TRPM3: variants seen among roughly 807,000 people sequenced by gnomAD.
TRPM3 encodes the protein transient receptor potential cation channel subfamily M member 3, also known as long transient receptor potential channel 3.
TRPM3 carries 77 observed loss-of-function variants against 181.2 expected under a neutral mutation model. The observed-to-expected ratio is 0.42, with a 90% CI of 0.35 to 0.51. The LOEUF (loss-of-function observed/expected upper bound fraction) is 0.51. Among genes scored for constraint, TRPM3 ranks in the 20% least tolerant of loss-of-function variants. The pLI is 0.01. For synonymous variants in TRPM3, 745 were observed against 796.4 expected (o/e 0.94, Z 1.09); for missense variants, 1,759 against 2,196.7 (o/e 0.80, Z 3.98).
chr9:71,096,250 T>C (rs1440795302), intron 1 of TRPM3, among the ~76,000 whole-genome samples: 1 of 149,246 alleles, frequency 6.7e-6, no homozygotes, highest in African/African-American at 2.5e-5. Context: ...GCATAGACTG[T>C]GAGTCCCTCT....
At chr9:71,427,823 C>T (rs2093890923) in intron 1 of TRPM3, among the ~76,000 whole-genome samples, 1 of 152,142 alleles carries the variant, frequency 6.6e-6, no homozygotes, top group Non-Finnish European at 1.5e-5. Flanking sequence ...ACTTCACTAT[C>T]TGGATGATGG....
Position 70,951,845 on chromosome 9 carries a change from C to T in TRPM3, c.178-87334G>A, listed in dbSNP as rs188616481. 5.8e-4 allele frequency among the ~76,000 whole-genome samples: 88 copies of T among 152,246 alleles called. No homozygotes were observed. In the East Asian group the frequency reaches 6.0e-3, roughly 10 times the overall value. On this transcript the variant is annotated intron_variant, in intron 1 of 25. Coordinates refer to ENST00000677713, the MANE Select transcript of TRPM3 (RefSeq NM_001366145.2). Reference sequence around the variant, plus strand: ...AAACATTCAAACAAAGAAGCCATATCGAGTCACTGCATTTAAGCTCTCTAG... The same window carrying T: ...AAACATTCAAACAAAGAAGCCATATTGAGTCACTGCATTTAAGCTCTCTAG...
At position 70,529,646 on chromosome 9, in the gene TRPM3, C is replaced by T. The variant is rs577859884; in HGVS notation, c.*6307G>A. On this transcript the variant is annotated 3_prime_UTR_variant, in exon 26 of 26. Transcript: ENST00000677713. ...GGCTAACAAATATACATGCATATAT[C>T]ATTCAGAACAAGAGTAACTCTGAAT... is the stretch of plus-strand genomic sequence containing the variant. 9.8e-5 allele frequency: 15 copies of T among 152,314 alleles called. No homozygotes were observed. The highest frequency in any genetic ancestry group is 3.4e-4 in the African/African-American group (14 of 41,580). The allele number at this position is 152,314 out of a possible 1,614,324, so 9.4% of individuals were successfully genotyped here.
chr9:70,640,137 G>A (rs564854250), intron 10 of TRPM3, among the ~76,000 whole-genome samples: 2 of 152,278 alleles, frequency 1.3e-5, no homozygotes, highest in South Asian at 2.1e-4. Flanking sequence ...ACCAGATGGC[G>A]CCTGCAGAGG....
At chr9:71,304,555 A>C (rs572171060) in intron 1 of TRPM3, among the ~76,000 whole-genome samples, 4 of 152,308 alleles carry the variant, frequency 2.6e-5, no homozygotes, top group South Asian at 2.1e-4. Context: ...TACTTAAGTC[A>C]AGTTCCGTTT....
chr9:71,236,422 G>A (rs769188676), intron 1 of TRPM3, among the ~76,000 whole-genome samples: 1 of 150,190 alleles, frequency 6.7e-6, no homozygotes, highest in Non-Finnish European at 1.5e-5. Flanking sequence ...CCCTCTACCC[G>A]CCCCACATTT....
intron 1 of TRPM3, among the ~76,000 whole-genome samples, chr9:71,364,047 A>C (rs116950536): frequency 0.015 from 2,270 of 152,276 alleles, 25 homozygotes; most frequent in Middle Eastern, 0.024. Flanking sequence ...ACCAGGAAAA[A>C]AAATAAGACT....
chr9:71,276,760 G>A (rs1036430747), intron 1 of TRPM3, among the ~76,000 whole-genome samples: 13 of 152,146 alleles, frequency 8.5e-5, no homozygotes, highest in Admixed American at 4.6e-4. Flanking sequence ...AGTTGAACAT[G>A]TACTGGCCTC....
chr9:70,819,479 T>C (rs191420574), intron 6 of TRPM3, among the ~76,000 whole-genome samples: 1 of 152,314 alleles, frequency 6.6e-6, no homozygotes, highest in East Asian at 1.9e-4. Context: ...TCTGCTGCTT[T>C]AGAGAAAGGT....
intron 8 of TRPM3, among the ~76,000 whole-genome samples, chr9:70,684,517 A>G (rs187146763): frequency 9.5e-4 from 145 of 152,320 alleles, no homozygotes; most frequent in African/African-American, 3.4e-3. Context: ...TTATGTATTC[A>G]TCACCACTCC....
intron 1 of TRPM3, among the ~76,000 whole-genome samples, chr9:71,256,589 C>G (rs2082689637): frequency 6.6e-6 from 1 of 151,994 alleles, no homozygotes. Context: ...TGTACCTCAT[C>G]TTTAAGGATG....
At chr9:71,349,496 C>A (rs950662076) in intron 1 of TRPM3, among the ~76,000 whole-genome samples, 1 of 152,162 alleles carries the variant, frequency 6.6e-6, no homozygotes, top group African/African-American at 2.4e-5. Flanking sequence ...TTCAGCATAA[C>A]GTTCAGTAAA....
intron 1 of TRPM3, among the ~76,000 whole-genome samples, chr9:71,202,788 C>T (rs767088681): frequency 6.6e-6 from 1 of 152,120 alleles, no homozygotes; most frequent in Non-Finnish European, 1.5e-5. Flanking sequence ...TCCTCTGTAT[C>T]TTTATCAGTA....
chr9:70,813,545 T>C (rs1031069241), intron 6 of TRPM3, among the ~76,000 whole-genome samples: 3 of 152,182 alleles, frequency 2.0e-5, no homozygotes, highest in East Asian at 1.9e-4. Context: ...AATCTTCCTA[T>C]TGAGTACTGT....
At chr9:70,792,828 A>T (rs2085849284) in intron 6 of TRPM3, among the ~76,000 whole-genome samples, 1 of 152,186 alleles carries the variant, frequency 6.6e-6, no homozygotes, top group Admixed American at 6.5e-5. Context: ...TATTTTAGAC[A>T]TTGTAGGCCA....
intron 1 of TRPM3, among the ~76,000 whole-genome samples, chr9:70,902,277 T>G (rs906482174): frequency 6.6e-6 from 1 of 152,270 alleles, no homozygotes; most frequent in Non-Finnish European, 1.5e-5. Flanking sequence ...CCAGCCCCAG[T>G]TGGGGCATGC....
intron 12 of TRPM3, 151 bp downstream of exon 12, chr9:70,635,060 T>TAC (rs5898155): frequency 0.11 from 60,042 of 538,130 alleles, 1,344 homozygotes; most frequent in East Asian, 0.24. Flanking sequence ...AAAAGACACA[T>TAC]ACACACACAC....
At chr9:70,976,630 G>A (rs1289985979) in intron 1 of TRPM3, among the ~76,000 whole-genome samples, 1 of 152,176 alleles carries the variant, frequency 6.6e-6, no homozygotes. Flanking sequence ...AGTGGTTAAA[G>A]GCCTGGAATC....
intron 1 of TRPM3, among the ~76,000 whole-genome samples, chr9:71,235,076 C>T (rs1328111023): frequency 6.6e-6 from 1 of 152,250 alleles, no homozygotes; most frequent in African/African-American, 2.4e-5. Context: ...AACCATGCCA[C>T]TCCACCTGCT....
Sources: gnomAD v4.1 joint callset for allele counts (sites outside exome capture counted in the v4.1 genomes callset) on GRCh38, gnomAD v4.1.1 for gene constraint, MANE v1.5 for transcripts, NCBI Gene and HGNC (gene_info 2026-07-23, HGNC 2026-07-21) for gene names.